RASGRP1: variants seen among roughly 807,000 people sequenced by gnomAD.
The protein encoded by RASGRP1 is RAS guanyl releasing protein 1.
RASGRP1 carries 37 observed loss-of-function variants against 95.1 expected under a neutral mutation model. The ratio of observed to expected loss-of-function variants is 0.39; its 90% CI spans 0.30 to 0.51. The LOEUF (loss-of-function observed/expected upper bound fraction) is 0.51, where lower values mean the gene tolerates loss of function less well. Ranked by LOEUF, RASGRP1 falls within the 20% of genes least tolerant of loss-of-function variation. The probability of loss-of-function intolerance (pLI) is 0.80; values close to 1 mark genes in which losing one functional copy is unlikely to be tolerated. For synonymous variants in RASGRP1, 325 were observed against 353.4 expected (o/e 0.92, Z 0.90); for missense variants, 711 against 965.4 (o/e 0.74, Z 3.49).
intron 2 of RASGRP1, among the ~76,000 whole-genome samples, chr15:38,536,681 A>G (rs1892660353): frequency 6.6e-6 from 1 of 152,228 alleles, no homozygotes; most frequent in African/African-American, 2.4e-5. Flanking sequence ...CCAGTGCATG[A>G]TGGAATTGTG....
At chr15:38,494,864 T>C in intron 15 of RASGRP1, 97 bp from the exon 16 acceptor site, 2 of 1,104,854 alleles carry the variant, frequency 1.8e-6, no homozygotes, top group African/African-American at 1.6e-5. Context: ...TTATTGTTAC[T>C]GGAGTTCCAT....
chr15:38,536,926 G>C (rs1231784684), intron 2 of RASGRP1, among the ~76,000 whole-genome samples: 1 of 152,192 alleles, frequency 6.6e-6, no homozygotes, highest in Non-Finnish European at 1.5e-5. Flanking sequence ...TTGTGGTTAG[G>C]ATTAGATGAT....
chr15:38,558,518 T>C (rs1405668964), intron 2 of RASGRP1, among the ~76,000 whole-genome samples: 1 of 152,264 alleles, frequency 6.6e-6, no homozygotes, highest in Admixed American at 6.5e-5. Flanking sequence ...CGAAGTGCGC[T>C]TCTTGGGTCA....
chr15:38,538,518 C>G (rs1171105078), intron 2 of RASGRP1, among the ~76,000 whole-genome samples: 1 of 152,194 alleles, frequency 6.6e-6, no homozygotes, highest in African/African-American at 2.4e-5. Context: ...ATACTTGGAG[C>G]ACTTCCTGTG....
At chr15:38,507,691 A>G in intron 9 of RASGRP1, 35 bp downstream of exon 9, 3 of 1,543,840 alleles carry the variant, frequency 1.9e-6, no homozygotes, top group Non-Finnish European at 2.6e-6. Flanking sequence ...GCACACAGAA[A>G]GTGCTTAGTA....
intron 3 of RASGRP1, among the ~76,000 whole-genome samples, chr15:38,520,239 C>T (rs1444933859): frequency 6.6e-6 from 1 of 152,186 alleles, no homozygotes; most frequent in Admixed American, 6.5e-5. Context: ...GCCTTGTTTT[C>T]CTTCTAAAAG....
intron 3 of RASGRP1, chr15:38,524,534 G>T (rs1186121421): frequency 1.3e-5 from 2 of 152,214 alleles, no homozygotes; most frequent in Admixed American, 6.6e-5. Context: ...ATGCTTCTGG[G>T]GGTCAATGGA....
At chr15:38,497,333 A>C (rs1175260040) in intron 15 of RASGRP1, among the ~76,000 whole-genome samples, 1 of 152,006 alleles carries the variant, frequency 6.6e-6, no homozygotes, top group African/African-American at 2.4e-5. Context: ...CTGTCATTTA[A>C]GACTCTCTAG....
chr15:38,511,616 A>G lies in RASGRP1; in HGVS notation c.954T>C (p.His318=). The part of the protein sequence containing the change: ...RLKETSSHVP[H]EINKVLGEMT... ...CAGTAGCACTGACCTTATTGATTTCATGTGGGACATGCGAACTTGTCTCCT... is the reference window on the plus strand; with the variant it reads ...CAGTAGCACTGACCTTATTGATTTCGTGTGGGACATGCGAACTTGTCTCCT... The change falls in exon 8 of 17, where the codon CAT becomes CAC. Residue 318 remains histidine (H), a synonymous_variant. Transcript: ENST00000310803. The G allele has an allele frequency of 6.2e-7, 1 of 1,612,810 alleles. No individual in the cohort carries two copies. Among genetic ancestry groups the G allele is most frequent in the Non-Finnish European group, 8.5e-7 (1 of 1,178,936 alleles).
chr15:38,528,272 T>C (rs1892307450), intron 2 of RASGRP1, among the ~76,000 whole-genome samples: 1 of 151,372 alleles, frequency 6.6e-6, no homozygotes, highest in South Asian at 2.1e-4. Flanking sequence ...AACCTTAAAC[T>C]CTCATCCTCT....
At chr15:38,561,044 T>C (rs2141202161) in intron 1 of RASGRP1, among the ~76,000 whole-genome samples, 1 of 152,354 alleles carries the variant, frequency 6.6e-6, no homozygotes, top group South Asian at 2.1e-4. Flanking sequence ...GGTAACTCTC[T>C]TGAGCATTTA....
At chr15:38,525,785 C>T (rs1254917455) in intron 3 of RASGRP1, among the ~76,000 whole-genome samples, 1 of 152,110 alleles carries the variant, frequency 6.6e-6, no homozygotes, top group Non-Finnish European at 1.5e-5. Context: ...TGATTCATAT[C>T]CCGTAATAAG....
chr15:38,507,773 CCT>C lies in RASGRP1; in HGVS notation c.1193_1194del (p.Glu398GlyfsTer8). The C allele has an allele frequency of 6.2e-7, 1 of 1,600,864 alleles. No homozygotes were observed. Among genetic ancestry groups the C allele is most frequent in the Non-Finnish European group, 8.5e-7 (1 of 1,173,668 alleles). ...NHISELVQLQ[E>X]VAPPLEANKD... is the part of the protein sequence containing the mutation. ...TTGTTAGCCTCCAAGGGTGGGGCCA[CCT>C]CTTGCAGCTGGACCAATTCACTGAT... On this transcript the variant is annotated frameshift_variant, in exon 9 of 17. Transcript: ENST00000310803. LOFTEE classifies it high-confidence loss of function.
At chr15:38,524,719 C>G (rs148335497) in intron 3 of RASGRP1, among the ~76,000 whole-genome samples, 4 of 152,102 alleles carry the variant, frequency 2.6e-5, no homozygotes, top group African/African-American at 7.2e-5. Context: ...AATTTTTAAC[C>G]CTAACAATGG....
At chr15:38,522,907 A>T (rs1318496875) in intron 3 of RASGRP1, among the ~76,000 whole-genome samples, 4 of 152,208 alleles carry the variant, frequency 2.6e-5, no homozygotes, top group Admixed American at 1.3e-4. Context: ...GTAGGAAAGA[A>T]TTTCAAGGGT....
intron 13 of RASGRP1, 47 bp downstream of exon 13, chr15:38,501,094 CCA>C: frequency 6.5e-7 from 1 of 1,535,602 alleles, no homozygotes; most frequent in Non-Finnish European, 8.8e-7. Context: ...TTAAAGTATC[CCA>C]CACTCTTCCC....
intron 6 of RASGRP1, among the ~76,000 whole-genome samples, chr15:38,513,831 TCAACTCTTCCCTTTGA>T (rs1416307219): frequency 6.6e-6 from 1 of 152,206 alleles, no homozygotes; most frequent in Non-Finnish European, 1.5e-5. Context: ...TCTTCCCTTC[TCAACTCTTCCCTTTGA>T]AAGAAGGTGT....
Position 38,564,668 on chromosome 15 carries a change from G to C in RASGRP1, c.-40C>G. ...CTCCCGGTGCCGGCTCACCTAGCGC[G>C]GCCGGGCGCGGCGCATCGCCCCCGC... is the stretch of plus-strand genomic sequence containing the variant. On this transcript the variant is annotated 5_prime_UTR_variant, in exon 1 of 17. Coordinates refer to ENST00000310803, the MANE Select transcript of RASGRP1 (RefSeq NM_005739.4). The C allele has an allele frequency of 1.6e-6, 2 of 1,238,638 alleles. No individual in the cohort carries two copies. The highest frequency in any genetic ancestry group is 1.6e-5 in the African/African-American group (1 of 63,614). 76.7% of individuals were successfully genotyped at this position (1,238,638 alleles called of 1,614,324 possible).
intron 14 of RASGRP1, chr15:38,499,205 T>C (rs1890915097): frequency 9.8e-6 from 6 of 613,392 alleles, no homozygotes; most frequent in Admixed American, 8.6e-5. Context: ...AGAGATGGTG[T>C]CCTGGTATCC....
Sources: gnomAD v4.1 joint callset for allele counts (sites outside exome capture counted in the v4.1 genomes callset) on GRCh38, gnomAD v4.1.1 for gene constraint, MANE v1.5 for transcripts, NCBI Gene and HGNC (gene_info 2026-07-23, HGNC 2026-07-21) for gene names.